LMF1: variants seen among roughly 807,000 people sequenced by gnomAD.
LMF1 encodes lipase maturation factor 1.
A neutral mutation model predicts 60.6 loss-of-function variants in LMF1; 68 were observed. That is an observed-to-expected ratio of 1.12 (90% CI 0.92 to 1.37). LMF1 has a LOEUF of 1.37. LMF1 is among the 40% of genes most tolerant of loss of function. The pLI is 0.00. For missense variants in LMF1, 948 were observed against 767.2 expected (o/e 1.24, Z -2.78); for synonymous variants, 418 against 324.7 (o/e 1.29, Z -3.09).
intron 5 of LMF1, among the ~76,000 whole-genome samples, chr16:886,508 C>G (rs1240591526): frequency 6.6e-6 from 1 of 151,858 alleles, no homozygotes; most frequent in Non-Finnish European, 1.5e-5. Context: ...AGCGGGCCAC[C>G]TGCCAGGCCA....
At chr16:958,123 C>T (rs964475077) in intron 1 of LMF1, among the ~76,000 whole-genome samples, 3 of 152,182 alleles carry the variant, frequency 2.0e-5, no homozygotes, top group Admixed American at 1.3e-4. Flanking sequence ...AAATGTAAAA[C>T]ATAAAAGCAT....
At chr16:927,417 G>C (rs2071641915) in intron 3 of LMF1, among the ~76,000 whole-genome samples, 1 of 152,230 alleles carries the variant, frequency 6.6e-6, no homozygotes, top group South Asian at 2.1e-4. Context: ...CCAGGGAGGG[G>C]CCGTGCAATT....
intron 5 of LMF1, among the ~76,000 whole-genome samples, chr16:882,176 C>A (rs2070180086): frequency 6.6e-6 from 1 of 152,210 alleles, no homozygotes; most frequent in African/African-American, 2.4e-5. Context: ...AAAAATGACA[C>A]TGAGTGATAA....
At chr16:889,315 A>G (rs1273380965) in intron 5 of LMF1, among the ~76,000 whole-genome samples, 2 of 151,954 alleles carry the variant, frequency 1.3e-5, no homozygotes, top group Non-Finnish European at 2.9e-5. Context: ...GCCTTTCGTT[A>G]CCAGCAGATG....
intron 3 of LMF1, among the ~76,000 whole-genome samples, chr16:928,452 C>G (rs1454275630): frequency 6.6e-6 from 1 of 152,180 alleles, no homozygotes; most frequent in East Asian, 1.9e-4. Context: ...GTCCAACTCT[C>G]CCCTGGATGG....
chr16:892,553 GCTGTGGTTCACACCTGCC>G (rs1342628055), intron 5 of LMF1, among the ~76,000 whole-genome samples: 1 of 152,244 alleles, frequency 6.6e-6, no homozygotes, highest in Admixed American at 6.5e-5. Flanking sequence ...GTGGAACTGT[GCTGTGGTTCACACCTGCC>G]CTGTGGGACA....
chr16:958,706 G>A (rs1234899133), intron 1 of LMF1, among the ~76,000 whole-genome samples: 4 of 152,126 alleles, frequency 2.6e-5, no homozygotes, highest in South Asian at 2.1e-4. Context: ...GGCCAATGTG[G>A]TGAAACCCCG....
chr16:918,203 T>C (rs2071332729), intron 3 of LMF1, among the ~76,000 whole-genome samples: 1 of 152,210 alleles, frequency 6.6e-6, no homozygotes, highest in South Asian at 2.1e-4. Context: ...TTACATATTT[T>C]AAGGCTGTCC....
chr16:957,110 C>G (rs1189454437), intron 1 of LMF1, among the ~76,000 whole-genome samples: 1 of 152,022 alleles, frequency 6.6e-6, no homozygotes, highest in African/African-American at 2.4e-5. Flanking sequence ...GAGATGGCAC[C>G]ATTGCACTCC....
At chr16:933,292 C>A (rs6600236) in intron 3 of LMF1, 1 of 152,134 alleles carries the variant, frequency 6.6e-6, no homozygotes, top group Non-Finnish European at 1.5e-5. Context: ...TTTGTATTTA[C>A]GTTTTAACAG....
chr16:910,895 T>C (rs1446475291), intron 4 of LMF1, 36 bp downstream of exon 4: 2 of 1,609,940 alleles, frequency 1.2e-6, no homozygotes, highest in African/African-American at 2.7e-5. Context: ...GAGCCACCGT[T>C]ATTCCCCAAA....
At chr16:884,747 G>A (rs539771612) in intron 5 of LMF1, among the ~76,000 whole-genome samples, 6 of 149,566 alleles carry the variant, frequency 4.0e-5, no homozygotes, top group South Asian at 4.3e-4. Flanking sequence ...TGGAAACCTC[G>A]GTCTCCACGC....
chr16:936,232 G>A (rs565783822), intron 2 of LMF1, among the ~76,000 whole-genome samples: 1 of 148,924 alleles, frequency 6.7e-6, no homozygotes, highest in African/African-American at 2.5e-5. Flanking sequence ...GTGGGCTGAG[G>A]AAGGAGGCTG....
chr16:947,833 C>T (rs2072278524), intron 2 of LMF1, among the ~76,000 whole-genome samples: 1 of 150,716 alleles, frequency 6.6e-6, no homozygotes, highest in East Asian at 1.9e-4. Flanking sequence ...CAGCCAATGA[C>T]AGAGTCAGCC....
At chr16:924,138 T>C (rs1156640677) in intron 3 of LMF1, among the ~76,000 whole-genome samples, 9 of 152,232 alleles carry the variant, frequency 5.9e-5, no homozygotes, top group Non-Finnish European at 1.3e-4. Flanking sequence ...GTGACACAGC[T>C]ATACTGATGA....
chr16:971,006 GCCCCGC>G, upstream of LMF1: 1 of 630,082 alleles, frequency 1.6e-6, no homozygotes, highest in Non-Finnish European at 2.0e-6. Flanking sequence ...ACTCCCGGAG[GCCCCGC>G]CCATTCTCGG....
chr16:873,057 T>C (rs574654280), intron 6 of LMF1: 1 of 152,378 alleles, frequency 6.6e-6, no homozygotes, highest in East Asian at 1.9e-4. Flanking sequence ...TCAGATCCTG[T>C]TTCTAAGAAA....
intron 5 of LMF1, among the ~76,000 whole-genome samples, chr16:889,714 G>C (rs2070421959): frequency 6.6e-6 from 1 of 152,186 alleles, no homozygotes; most frequent in South Asian, 2.1e-4. Context: ...CACGGCTCGG[G>C]GGTTGCAGGC....
chr16:875,594 G>A (rs1298921103), intron 6 of LMF1, among the ~76,000 whole-genome samples: 1 of 152,138 alleles, frequency 6.6e-6, no homozygotes, highest in Non-Finnish European at 1.5e-5. Flanking sequence ...GAACTGGCCA[G>A]CACAGCCTGA....
Sources: gnomAD v4.1 joint callset for allele counts (sites outside exome capture counted in the v4.1 genomes callset) on GRCh38, gnomAD v4.1.1 for gene constraint, MANE v1.5 for transcripts, NCBI Gene and HGNC (gene_info 2026-07-23, HGNC 2026-07-21) for gene names.